SKAP1: variants seen among roughly 807,000 people sequenced by gnomAD.
The protein encoded by SKAP1 is src kinase associated phosphoprotein 1, also known as src kinase-associated phosphoprotein 1.
SKAP1 carries 44 observed loss-of-function variants against 58.5 expected under a neutral mutation model. The ratio of observed to expected loss-of-function variants is 0.75; its 90% confidence interval spans 0.59 to 0.97. SKAP1 has a LOEUF of 0.97. SKAP1 is among the 50% of genes least tolerant of loss of function. SKAP1 has a pLI of 0.00. For missense variants in SKAP1, 390 were observed against 435.2 expected (o/e 0.90, Z 0.92); for synonymous variants, 127 against 149.7 (o/e 0.85, Z 1.11).
At chr17:48,231,951 C>T (rs894797578) in intron 4 of SKAP1, 1 of 152,222 alleles carries the variant, frequency 6.6e-6, no homozygotes, top group African/African-American at 2.4e-5. Context: ...ATTTTATAAT[C>T]TGAGAAACTG....
intron 4 of SKAP1, among the ~76,000 whole-genome samples, chr17:48,336,659 G>A (rs570600038): frequency 7.6e-4 from 115 of 151,004 alleles, no homozygotes; most frequent in Non-Finnish European, 1.5e-3. Flanking sequence ...AAAGATGTCC[G>A]GCAAAGGGAG....
intron 4 of SKAP1, among the ~76,000 whole-genome samples, chr17:48,208,389 G>A (rs1195282850): frequency 6.6e-6 from 1 of 152,136 alleles, no homozygotes; most frequent in African/African-American, 2.4e-5. Flanking sequence ...ATTGTCTAAC[G>A]ACTGAAGGTA....
chr17:48,237,925 T>TC (rs919125304), intron 4 of SKAP1, among the ~76,000 whole-genome samples: 4 of 152,010 alleles, frequency 2.6e-5, no homozygotes, highest in African/African-American at 9.7e-5. Context: ...TCAGATTTTT[T>TC]TTTTTTTTTT....
At chr17:48,172,396 A>G (rs74590431) in intron 9 of SKAP1, among the ~76,000 whole-genome samples, 4 of 152,316 alleles carry the variant, frequency 2.6e-5, no homozygotes, top group African/African-American at 4.8e-5. Flanking sequence ...AACCGGTTTC[A>G]TCTCGTCACA....
At chr17:48,150,582 T>C (rs530894740) in intron 11 of SKAP1, among the ~76,000 whole-genome samples, 2 of 152,350 alleles carry the variant, frequency 1.3e-5, no homozygotes, top group East Asian at 3.9e-4. Flanking sequence ...CGTTCCATTT[T>C]CATTATTTAT....
chr17:48,317,163 C>T (rs899996618), intron 4 of SKAP1, among the ~76,000 whole-genome samples: 5 of 152,128 alleles, frequency 3.3e-5, no homozygotes, highest in African/African-American at 1.2e-4. Flanking sequence ...GGGCATTCAT[C>T]TGTTGACAAG....
At chr17:48,379,448 T>C (rs971907621) in intron 2 of SKAP1, among the ~76,000 whole-genome samples, 1 of 152,228 alleles carries the variant, frequency 6.6e-6, no homozygotes, top group African/African-American at 2.4e-5. Flanking sequence ...CTTCTACTGG[T>C]AACCACTCTA....
chr17:48,440,778 G>T, the SKAP1 span, among the ~76,000 whole-genome samples: 1 of 152,278 alleles, frequency 6.6e-6, no homozygotes, highest in East Asian at 1.9e-4. Flanking sequence ...GCTCACTGTG[G>T]GAGAGGCTCA....
chr17:48,267,013 A>C (rs1452435284), intron 4 of SKAP1, among the ~76,000 whole-genome samples: 1 of 152,218 alleles, frequency 6.6e-6, no homozygotes, highest in Non-Finnish European at 1.5e-5. Context: ...AGAACATAGC[A>C]GATGGCAGAA....
At chr17:48,362,748 C>A (rs1322768785) in intron 3 of SKAP1, among the ~76,000 whole-genome samples, 9 of 152,224 alleles carry the variant, frequency 5.9e-5, no homozygotes, top group African/African-American at 2.2e-4. Context: ...ACACTAAAAG[C>A]ATGAGCCAGA....
At chr17:48,319,834 C>T (rs148833487) in intron 4 of SKAP1, among the ~76,000 whole-genome samples, 57 of 151,892 alleles carry the variant, frequency 3.8e-4, no homozygotes, top group Admixed American at 7.2e-4. Flanking sequence ...AGAGTGAGAC[C>T]GTGTCTCAAA....
rs1216148941 is a variant in SKAP1 at position 48,237,753 on chromosome 17, T to C, written c.281-48253A>G. On this transcript the variant is annotated intron_variant, in intron 4 of 12. Coordinates refer to ENST00000336915, the MANE Select transcript of SKAP1 (RefSeq NM_003726.4). The stretch of plus-strand genomic sequence containing the variant: ...AGGGATTTTGAAGAGGTAAAGTCAG[T>C]GGGTTTTGTGACCAATGAAATGCTA... 2.0e-5 allele frequency among the ~76,000 whole-genome samples: 3 copies of C among 152,108 alleles called. No individual in the cohort carries two copies. In the East Asian group the frequency reaches 5.8e-4, roughly 29 times the overall value.
chr17:48,193,748 A>T, intron 4 of SKAP1: 4 of 984,676 alleles, frequency 4.1e-6, no homozygotes, highest in Non-Finnish European at 4.8e-6. Context: ...ATGAGGCAGG[A>T]ATCTTGTATG....
At chr17:48,443,460 CTG>C in the SKAP1 span, among the ~76,000 whole-genome samples, 1 of 149,984 alleles carries the variant, frequency 6.7e-6, no homozygotes, top group Non-Finnish European at 1.5e-5. Context: ...CAAGGTAAGT[CTG>C]TTTGTTTGTT....
intron 1 of SKAP1, 71 bp from the exon 2 acceptor site, chr17:48,396,856 G>A: frequency 9.0e-7 from 1 of 1,111,850 alleles, no homozygotes; most frequent in Admixed American, 1.8e-5. Flanking sequence ...GAAGGATTAA[G>A]AAATGGCACA....
intron 2 of SKAP1, among the ~76,000 whole-genome samples, chr17:48,373,984 A>C (rs551081270): frequency 2.3e-4 from 35 of 152,106 alleles, no homozygotes; most frequent in Non-Finnish European, 4.6e-4. Context: ...ACTCCTGCTG[A>C]ACAAAATCAA....
intron 4 of SKAP1, among the ~76,000 whole-genome samples, chr17:48,251,739 T>G (rs1044738992): frequency 1.3e-5 from 2 of 152,224 alleles, no homozygotes; most frequent in Non-Finnish European, 1.5e-5. Flanking sequence ...CATTAAAGAT[T>G]AGAAATTTCA....
intron 4 of SKAP1, among the ~76,000 whole-genome samples, chr17:48,284,427 T>G (rs1046605283): frequency 2.0e-5 from 3 of 152,146 alleles, no homozygotes; most frequent in Admixed American, 6.6e-5. Context: ...AAAATGTCAT[T>G]CTTTTCAATG....
intron 4 of SKAP1, among the ~76,000 whole-genome samples, chr17:48,274,434 C>T (rs998907485): frequency 5.3e-5 from 8 of 149,934 alleles, no homozygotes; most frequent in Non-Finnish European, 8.9e-5. Context: ...TGGTGGCTCA[C>T]GCATGTAATC....
Sources: gnomAD v4.1 joint callset for allele counts (sites outside exome capture counted in the v4.1 genomes callset) on GRCh38, gnomAD v4.1.1 for gene constraint, MANE v1.5 for transcripts, NCBI Gene and HGNC (gene_info 2026-07-23, HGNC 2026-07-21) for gene names.